Variants in ATM observed in about 807,000 individuals in gnomAD.
ATM encodes ATM serine/threonine kinase, also known as serine-protein kinase ATM.
Under a neutral mutation model 387.0 loss-of-function variants are expected in ATM, and 308 were observed. The ratio of observed to expected loss-of-function variants is 0.80; its 90% CI spans 0.73 to 0.87. The LOEUF (loss-of-function observed/expected upper bound fraction) is 0.87. Among genes scored for constraint, ATM ranks in the 40% least tolerant of loss-of-function variants. The pLI is 0.00. For missense variants in ATM, 3,312 were observed against 3,560.9 expected (o/e 0.93, Z 1.78); for synonymous variants, 1,156 against 1,187.3 (o/e 0.97, Z 0.54).
chr11:108,264,322 T>G (rs2081084993), intron 16 of ATM, among the ~76,000 whole-genome samples: 1 of 152,154 alleles, frequency 6.6e-6, no homozygotes, highest in Non-Finnish European at 1.5e-5. Flanking sequence ...CCAGGCTGGT[T>G]CAATGTACAC....
In ATM at chr11:108,227,750, CATT is replaced by C. The variant is rs768832884; in HGVS notation, c.73-19_73-17del. On this transcript the variant is annotated intron_variant, in intron 2 of 62. Transcript: ENST00000675843. The stretch of plus-strand genomic sequence containing the variant: ...CTTGAAATAAGTGTGATTAGTAACC[CATT>C]ATTATTTCCTTTTTATTTTCAGAAA... 6 of 1,611,214 alleles carry C rather than the reference CATT, an allele frequency of 3.7e-6. No individual in the cohort carries two copies. The Admixed American group carries it at 8.3e-5, about 22-fold the overall frequency.
At chr11:108,310,928 A>G (rs1030963022) in intron 39 of ATM, among the ~76,000 whole-genome samples, 5 of 152,202 alleles carry the variant, frequency 3.3e-5, no homozygotes, top group African/African-American at 1.2e-4. Flanking sequence ...AGAGTAAAAA[A>G]TAAAGTAAAA....
chr11:108,251,987 G>A lies in ATM; in HGVS notation c.1758G>A (p.Glu586=), dbSNP rs1555072017. 5 of 1,613,404 alleles carry A rather than the reference G, an allele frequency of 3.1e-6. No homozygotes were observed. Among genetic ancestry groups the A allele is most frequent in the Non-Finnish European group, 4.2e-6 (5 of 1,179,772 alleles). Residue 586 remains glutamate, a synonymous_variant, in exon 11 of 63, where the codon GAG becomes GAA. Transcript: ENST00000675843. Reference sequence around the variant, plus strand: ...AATGGCTCTTATTCTATCAGTTAGAGGGTGACTTAGAAAATAGCACAGAAG... The same window carrying A: ...AATGGCTCTTATTCTATCAGTTAGAAGGTGACTTAGAAAATAGCACAGAAG... ...IMKWLLFYQL[E]GDLENSTEVP... is the part of the protein sequence containing the mutation.
intron 6 of ATM, 140 bp from the exon 7 acceptor site, chr11:108,244,648 G>A: frequency 1.3e-6 from 1 of 748,230 alleles, no homozygotes. Flanking sequence ...TTTTTTTAAT[G>A]AATAGTTTTG....
At chr11:108,357,647 G>A (rs1262964470) in intron 61 of ATM, among the ~76,000 whole-genome samples, 16 of 152,156 alleles carry the variant, frequency 1.1e-4, no homozygotes, top group Non-Finnish European at 1.3e-4. Context: ...CCTGACCCCC[G>A]AGCAGCCTAA....
intron 61 of ATM, among the ~76,000 whole-genome samples, chr11:108,359,492 C>T (rs544058949): frequency 2.6e-4 from 40 of 152,134 alleles, no homozygotes; most frequent in African/African-American, 9.6e-4. Context: ...ACAGAATATA[C>T]ATTTTTTTCA....
In ATM at chr11:108,235,705, T is replaced by C. The variant is rs2135121876; in HGVS notation, c.367T>C (p.Tyr123His). 6.2e-7 allele frequency: 1 copy of C among 1,612,134 alleles called. No individual in the cohort carries two copies. Among genetic ancestry groups the C allele is most frequent in the Non-Finnish European group, 8.5e-7 (1 of 1,178,392 alleles). The change falls in exon 5 of 63, where the codon TAT (tyrosine) becomes CAT (histidine). Residue 123 changes from tyrosine to histidine, a missense_variant. Tyr to His is a moderately conservative substitution (Grantham distance 83). Coordinates refer to ENST00000675843, the MANE Select transcript of ATM (RefSeq NM_000051.4). ...GCTAAAATGTCAAGAACTCTTAAAT[T>C]ATATCATGGATACAGTGAAAGATTC... is the stretch of plus-strand genomic sequence containing the variant. ...PRLKCQELLNYIMDTVKDSSN... is the reference protein window; with the variant it reads ...PRLKCQELLNHIMDTVKDSSN...
intron 14 of ATM, among the ~76,000 whole-genome samples, chr11:108,256,980 G>A (rs1466837935): frequency 6.6e-6 from 1 of 152,138 alleles, no homozygotes; most frequent in Non-Finnish European, 1.5e-5. Context: ...ATAAACATAC[G>A]TGTGCATGTG....
At chr11:108,295,501 A>AT (rs937567657) in intron 32 of ATM, 12 of 166,280 alleles carry the variant, frequency 7.2e-5, no homozygotes, top group Non-Finnish European at 1.3e-4. Context: ...TACTTTATTT[A>AT]TTTTTTTTAT....
rs2091270544 is a variant in ATM at position 108,365,611 on chromosome 11, T to C, written c.*103T>C. ...CTTTAAGTAGGGATTAATATTTAAG[T>C]GAACTATTGTGGGTTTTTTTGAATG... On this transcript the variant is annotated 3_prime_UTR_variant, in exon 63 of 63. Coordinates refer to ENST00000675843, the MANE Select transcript of ATM (RefSeq NM_000051.4). The C allele has an allele frequency of 7.3e-7, 1 of 1,371,352 alleles. No individual in the cohort carries two copies. The highest frequency in any genetic ancestry group is 1.0e-6 in the Non-Finnish European group (1 of 1,004,502). 84.9% of individuals were successfully genotyped at this position (1,371,352 alleles called of 1,614,324 possible).
intron 26 of ATM, among the ~76,000 whole-genome samples, chr11:108,284,825 C>T (rs1230599285): frequency 2.6e-5 from 4 of 152,196 alleles, no homozygotes; most frequent in Admixed American, 6.5e-5. Context: ...TTCACTCCCT[C>T]TTCAATCTCA....
chr11:108,285,486 A>G (rs1019487977), intron 26 of ATM, among the ~76,000 whole-genome samples: 4 of 152,202 alleles, frequency 2.6e-5, no homozygotes, highest in Non-Finnish European at 5.9e-5. Flanking sequence ...TAAAACATAC[A>G]TACAAATTTT....
chr11:108,357,216 C>T (rs1036922427), intron 61 of ATM, among the ~76,000 whole-genome samples: 8 of 152,298 alleles, frequency 5.3e-5, no homozygotes, highest in East Asian at 3.9e-4. Flanking sequence ...CACTCCCACC[C>T]GAATATTGCG....
intron 6 of ATM, 69 bp downstream of exon 6, chr11:108,244,187 C>A (rs2135229446): frequency 6.5e-7 from 1 of 1,548,042 alleles, no homozygotes. Context: ...ATGTTTTAGA[C>A]TCAGTAACTA....
intron 40 of ATM, among the ~76,000 whole-genome samples, chr11:108,315,311 C>T (rs1388996418): frequency 1.3e-5 from 2 of 152,178 alleles, no homozygotes; most frequent in Non-Finnish European, 2.9e-5. Context: ...AATACTGCAT[C>T]TTTACATTTG....
chr11:108,326,447 T>C (rs912019266), intron 47 of ATM, among the ~76,000 whole-genome samples: 1 of 152,194 alleles, frequency 6.6e-6, no homozygotes, highest in Non-Finnish European at 1.5e-5. Flanking sequence ...TCGATTCATT[T>C]AATATATCCC....
rs551077701 is a variant in ATM, at chr11:108,359,072, A to G, written c.8850+4198A>G. On this transcript the variant is annotated intron_variant, in intron 61 of 62. Transcript: ENST00000675843. ...ACCCATCTCACGTGCAGAGACACAC[A>G]TAGGCTCAAAATAAAAGGATGGAGG... is the stretch of plus-strand genomic sequence containing the variant. Among the ~76,000 whole-genome samples the G allele has an allele frequency of 5.4e-5, 8 of 149,488 alleles. No homozygotes were observed. The South Asian group carries it at 1.3e-3, about 24-fold the overall frequency.
chr11:108,234,840 TAAA>T (rs58530637), intron 4 of ATM, among the ~76,000 whole-genome samples: 1 of 148,200 alleles, frequency 6.7e-6, no homozygotes, highest in African/African-American at 2.5e-5. Context: ...GACCCTGTCT[TAAA>T]AAAAAAAATT....
intron 4 of ATM, among the ~76,000 whole-genome samples, chr11:108,233,590 A>AAT (rs200924880): frequency 1.4e-4 from 21 of 149,898 alleles, no homozygotes; most frequent in African/African-American, 5.0e-4. Flanking sequence ...AAAAAAAAAA[A>AAT]GTCTCTGCAG....
Sources: allele counts gnomAD v4.1 joint callset (sites outside exome capture counted in the v4.1 genomes callset), GRCh38; gene constraint gnomAD v4.1.1; transcripts MANE v1.5; gene names NCBI Gene and HGNC (gene_info 2026-07-23, HGNC 2026-07-21).